The following ASTN2 variants were observed in gnomAD, a reference collection of about 807,000 sequenced individuals.
ASTN2 encodes astrotactin-2.
A neutral mutation model predicts 139.8 loss-of-function variants in ASTN2; 54 were observed. The ratio of observed to expected loss-of-function variants is 0.39; its 90% confidence interval spans 0.31 to 0.48. ASTN2 has a LOEUF of 0.48. Ranked by LOEUF, ASTN2 falls within the 20% of genes least tolerant of loss-of-function variation. The pLI is 0.95. For missense variants in ASTN2, 1,565 were observed against 1,725.1 expected (o/e 0.91, Z 1.64); for synonymous variants, 756 against 719.5 (o/e 1.05, Z -0.81).
At chr9:117,172,271 C>A (rs1462565359) in intron 3 of ASTN2, among the ~76,000 whole-genome samples, 1 of 152,052 alleles carries the variant, frequency 6.6e-6, no homozygotes, top group East Asian at 1.9e-4. Context: ...GCATATGCTG[C>A]CACCGGGTCC....
intron 11 of ASTN2, among the ~76,000 whole-genome samples, chr9:116,823,728 T>C (rs1216197921): frequency 7.2e-5 from 11 of 152,136 alleles, no homozygotes; most frequent in Admixed American, 7.2e-4. Context: ...ATCAGAAAGG[T>C]GAGGGTACTT....
intron 17 of ASTN2, 74 bp downstream of exon 17, chr9:116,651,454 A>AGGTATTGTC: frequency 6.5e-7 from 1 of 1,529,912 alleles, no homozygotes; most frequent in Non-Finnish European, 8.9e-7. Flanking sequence ...ATACCCCTGG[A>AGGTATTGTC]CAAAGGGTCC....
chr9:117,405,698 G>T (rs553186536), intron 1 of ASTN2, among the ~76,000 whole-genome samples: 1 of 152,254 alleles, frequency 6.6e-6, no homozygotes, highest in African/African-American at 2.4e-5. Context: ...GTTAGATAAT[G>T]TCCTAAATTT....
At chr9:117,122,924 A>C (rs986717002) in intron 4 of ASTN2, among the ~76,000 whole-genome samples, 1 of 152,116 alleles carries the variant, frequency 6.6e-6, no homozygotes, top group Non-Finnish European at 1.5e-5. Context: ...TTGATCATCC[A>C]TATAAAACAG....
chr9:116,429,022 G>C (rs542951118), intron 22 of ASTN2, among the ~76,000 whole-genome samples: 3 of 152,058 alleles, frequency 2.0e-5, no homozygotes, highest in Admixed American at 6.6e-5. Flanking sequence ...AGAACTGAGC[G>C]GAAGGAGGCA....
intron 1 of ASTN2, among the ~76,000 whole-genome samples, chr9:117,321,064 T>TC (rs1481640675): frequency 2.6e-5 from 4 of 152,214 alleles, no homozygotes. Flanking sequence ...CAGTTTTTTT[T>TC]CACACAGTGT....
In ASTN2 at chr9:116,982,000, T is replaced by C. The variant is rs1836524510; in HGVS notation, c.1592-5215A>G. Among the ~76,000 whole-genome samples, 5 of 152,188 alleles carry C rather than the reference T, an allele frequency of 3.3e-5. No individual in the cohort carries two copies. The South Asian group carries it at 1.0e-3, about 32-fold the overall frequency. Reference sequence around the variant, plus strand: ...TCCTGGCTGCCATTTGTTGAGGTCTTTTTCTATGTTATATGCATTCTCAGT... The same window carrying C: ...TCCTGGCTGCCATTTGTTGAGGTCTCTTTCTATGTTATATGCATTCTCAGT... On this transcript the variant is annotated intron_variant, in intron 7 of 22. Transcript: ENST00000313400.
chr9:116,662,192 A>G (rs1007122108), intron 16 of ASTN2, among the ~76,000 whole-genome samples: 5 of 152,202 alleles, frequency 3.3e-5, no homozygotes, highest in African/African-American at 9.6e-5. Context: ...CCTGCATGTG[A>G]CCATAGACAA....
chr9:116,446,657 G>C (rs1167347052), intron 20 of ASTN2, among the ~76,000 whole-genome samples: 1 of 152,158 alleles, frequency 6.6e-6, no homozygotes, highest in Non-Finnish European at 1.5e-5. Context: ...GATAACGTTG[G>C]ATGAGCTATA....
intron 2 of ASTN2, among the ~76,000 whole-genome samples, chr9:117,249,450 T>G (rs1249419645): frequency 1.3e-5 from 2 of 152,192 alleles, no homozygotes; most frequent in Non-Finnish European, 2.9e-5. Flanking sequence ...TGGAAAACCA[T>G]TTAAGATCAT....
chr9:117,138,893 T>C (rs946959601), intron 4 of ASTN2, among the ~76,000 whole-genome samples: 21 of 152,192 alleles, frequency 1.4e-4, no homozygotes, highest in African/African-American at 1.2e-4. Flanking sequence ...TATGTAACAT[T>C]GTTTATCATG....
chr9:116,756,290 C>G (rs1315784909), intron 13 of ASTN2, among the ~76,000 whole-genome samples: 3 of 152,152 alleles, frequency 2.0e-5, no homozygotes, highest in Non-Finnish European at 4.4e-5. Context: ...TTAGTCTTAA[C>G]AGATGCCAGA....
intron 7 of ASTN2, among the ~76,000 whole-genome samples, chr9:116,996,110 G>C (rs1837007898): frequency 6.6e-6 from 1 of 152,014 alleles, no homozygotes; most frequent in African/African-American, 2.4e-5. Context: ...TTGATCTCAA[G>C]TTCACTTGAA....
At chr9:117,165,648 C>A (rs1381189464) in intron 3 of ASTN2, among the ~76,000 whole-genome samples, 2 of 152,126 alleles carry the variant, frequency 1.3e-5, no homozygotes, top group African/African-American at 4.8e-5. Context: ...GCATTCCACA[C>A]AAACCCTTAG....
rs187774614 is a variant in ASTN2, at chr9:117,249,080, C to T, written c.631-34338G>A. On this transcript the variant is annotated intron_variant, in intron 2 of 22. Coordinates refer to ENST00000313400, the MANE Select transcript of ASTN2 (RefSeq NM_001365068.1). ...AGTGAGTATTTAAAACACCTGTTCT[C>T]CTGAGCAACTCCTGTAAGTCACATT... Among the ~76,000 whole-genome samples the T allele has an allele frequency of 3.4e-3, 512 of 152,316 alleles. 1 individual carries two copies. The highest frequency in any genetic ancestry group is 6.3e-3 in the Non-Finnish European group (431 of 68,038).
chr9:116,426,506 C>G (rs946645256), intron 22 of ASTN2, among the ~76,000 whole-genome samples: 1 of 152,132 alleles, frequency 6.6e-6, no homozygotes, highest in Admixed American at 6.5e-5. Flanking sequence ...TTATAACTAT[C>G]CTGAATGTAT....
At chr9:116,991,558 A>T (rs908156803) in intron 7 of ASTN2, among the ~76,000 whole-genome samples, 1 of 150,744 alleles carries the variant, frequency 6.6e-6, no homozygotes, top group Non-Finnish European at 1.5e-5. Context: ...ACAATAACTT[A>T]CCAAAGGTGA....
intron 17 of ASTN2, among the ~76,000 whole-genome samples, chr9:116,624,729 G>T (rs1856353311): frequency 6.6e-6 from 1 of 152,044 alleles, no homozygotes; most frequent in Non-Finnish European, 1.5e-5. Context: ...AGATGGTTCT[G>T]GTCTGTATGA....
chr9:116,872,840 G>A (rs1454375369), intron 10 of ASTN2, among the ~76,000 whole-genome samples: 1 of 152,128 alleles, frequency 6.6e-6, no homozygotes, highest in Non-Finnish European at 1.5e-5. Flanking sequence ...TTCAAGAGAT[G>A]CAGAAAAGCT....
Sources: allele counts gnomAD v4.1 joint callset (sites outside exome capture counted in the v4.1 genomes callset), GRCh38; gene constraint gnomAD v4.1.1; transcripts MANE v1.5; gene names NCBI Gene and HGNC (gene_info 2026-07-23, HGNC 2026-07-21).